The following PSD3 variants were observed in gnomAD, a reference collection of about 807,000 sequenced individuals.
The protein encoded by PSD3 is pleckstrin and Sec7 domain containing 3.
A neutral mutation model predicts 105.5 loss-of-function variants in PSD3; 49 were observed. The observed-to-expected ratio is 0.46, with a 90% CI of 0.37 to 0.59. PSD3 has a LOEUF of 0.59. Among genes scored for constraint, PSD3 ranks in the 20% least tolerant of loss-of-function variants. The probability of loss-of-function intolerance (pLI) is 0.00; values close to 1 mark genes in which losing one functional copy is unlikely to be tolerated. For synonymous variants in PSD3, 557 were observed against 457.8 expected, an observed-to-expected ratio of 1.22 and a Z score of -2.77; for missense variants, 1,561 against 1,263.8, an observed-to-expected ratio of 1.24 and a Z score of -3.57.
At chr8:18,994,339 C>A (rs142903136) in intron 1 of PSD3, among the ~76,000 whole-genome samples, 2 of 151,984 alleles carry the variant, frequency 1.3e-5, no homozygotes, top group African/African-American at 2.4e-5. Context: ...TTTGTTTTTA[C>A]GGTAGATTTT....
At chr8:18,710,334 A>G (rs929252831) in intron 9 of PSD3, among the ~76,000 whole-genome samples, 2 of 152,170 alleles carry the variant, frequency 1.3e-5, no homozygotes, top group Non-Finnish European at 2.9e-5. Flanking sequence ...TTCGAAAACT[A>G]TGAGATTATG....
At chr8:18,857,168 G>C (rs188451559) in intron 4 of PSD3, among the ~76,000 whole-genome samples, 102 of 152,306 alleles carry the variant, frequency 6.7e-4, no homozygotes, top group African/African-American at 2.4e-3. Flanking sequence ...CCCTCCAAAA[G>C]CGGAGTTACC....
chr8:18,945,087 C>T (rs77709778), intron 1 of PSD3, among the ~76,000 whole-genome samples: 4,446 of 150,288 alleles, frequency 0.03, 107 homozygotes, highest in African/African-American at 0.062. Context: ...CACACACATA[C>T]GTACACACAC....
At chr8:18,644,776 C>G (rs1473493179) in intron 10 of PSD3, among the ~76,000 whole-genome samples, 1 of 152,218 alleles carries the variant, frequency 6.6e-6, no homozygotes, top group African/African-American at 2.4e-5. Context: ...TAGCAACAGC[C>G]CTAATTCTCG....
At chr8:18,892,637 T>G (rs982696962) in intron 2 of PSD3, among the ~76,000 whole-genome samples, 15 of 151,198 alleles carry the variant, frequency 9.9e-5, no homozygotes, top group Non-Finnish European at 2.2e-4. Context: ...TTTTTTTTTT[T>G]TTTTTGAGAC....
intron 8 of PSD3, among the ~76,000 whole-genome samples, chr8:18,795,692 C>T (rs776103879): frequency 2.6e-5 from 4 of 152,282 alleles, no homozygotes; most frequent in African/African-American, 7.2e-5. Flanking sequence ...CCTGCCAGGA[C>T]GGTAGGAACC....
At chr8:18,957,967 T>C (rs1823681679) in intron 1 of PSD3, among the ~76,000 whole-genome samples, 1 of 152,144 alleles carries the variant, frequency 6.6e-6, no homozygotes. Flanking sequence ...CGAAGATAAT[T>C]AAGCTATTGC....
chr8:18,539,378 T>G (rs1381613689), intron 15 of PSD3, among the ~76,000 whole-genome samples: 1 of 152,166 alleles, frequency 6.6e-6, no homozygotes, highest in Non-Finnish European at 1.5e-5. Flanking sequence ...AAGGTCATAT[T>G]TCTTAACTAT....
intron 1 of PSD3, among the ~76,000 whole-genome samples, chr8:18,978,623 C>T (rs1004255949): frequency 1.3e-5 from 2 of 152,086 alleles, no homozygotes; most frequent in South Asian, 2.1e-4. Context: ...GGGTTTACAG[C>T]GCAGGAATGA....
intron 2 of PSD3, among the ~76,000 whole-genome samples, chr8:18,883,972 GT>G (rs1460122256): frequency 5.3e-5 from 8 of 152,074 alleles, no homozygotes; most frequent in Non-Finnish European, 8.8e-5. Context: ...TTAATATTAT[GT>G]TAGTACAAGA....
At chr8:18,920,979 A>G (rs111474645) in intron 2 of PSD3, among the ~76,000 whole-genome samples, 2 of 152,328 alleles carry the variant, frequency 1.3e-5, no homozygotes, top group Middle Eastern at 3.4e-3. Context: ...CTATACTTAT[A>G]ATATTTTCAA....
At position 19,055,166 on chromosome 8, in the gene PSD3, T is replaced by C. The variant is rs893530406; in HGVS notation, c.324+29040A>G. 2.0e-5 allele frequency among the ~76,000 whole-genome samples: 3 copies of C among 152,352 alleles called. No individual in the cohort carries two copies. In the East Asian group the frequency reaches 5.8e-4, roughly 29 times the overall value. On this transcript the variant is annotated intron_variant, in intron 1 of 1. Coordinates refer to the PSD3 transcript ENST00000521475. ...AGAGCCAGATGTTGCTATGTTGCCATAGAATAGTCTTGCCTAGCTTAATTT... is the reference window on the plus strand; with the variant it reads ...AGAGCCAGATGTTGCTATGTTGCCACAGAATAGTCTTGCCTAGCTTAATTT...
intron 10 of PSD3, among the ~76,000 whole-genome samples, chr8:18,646,377 G>A (rs940948901): frequency 1.3e-5 from 2 of 152,030 alleles, no homozygotes; most frequent in African/African-American, 4.8e-5. Flanking sequence ...GTTATTTAAT[G>A]TAGTAAGTCA....
chr8:18,598,987 C>T (rs1470325363), intron 12 of PSD3, among the ~76,000 whole-genome samples: 2 of 151,932 alleles, frequency 1.3e-5, no homozygotes, highest in African/African-American at 2.4e-5. Flanking sequence ...CAGCGACCTA[C>T]ATATTCAATA....
intron 1 of PSD3, among the ~76,000 whole-genome samples, chr8:18,963,284 C>G (rs981973808): frequency 6.6e-6 from 1 of 152,132 alleles, no homozygotes; most frequent in African/African-American, 2.4e-5. Context: ...GGTGGGGACA[C>G]AGAGCCAAAC....
chr8:18,856,974 A>C (rs1816061051), intron 4 of PSD3, among the ~76,000 whole-genome samples: 1 of 152,216 alleles, frequency 6.6e-6, no homozygotes, highest in African/African-American at 2.4e-5. Context: ...AAGCACTCCG[A>C]CTTAAGAACC....
intron 14 of PSD3, among the ~76,000 whole-genome samples, chr8:18,564,932 G>A (rs527989885): frequency 5.3e-5 from 8 of 152,104 alleles, no homozygotes; most frequent in Non-Finnish European, 7.4e-5. Context: ...AGTACCCATG[G>A]ATTCAAACTT....
rs146523080 is a variant in PSD3 at position 18,578,371 on chromosome 8, A to G, written c.2482-3086T>C. On this transcript the variant is annotated intron_variant, in intron 12 of 15. Coordinates refer to ENST00000327040, the MANE Select transcript of PSD3 (RefSeq NM_015310.4). ...ATTTAAGGTCTCCAGCTACGGCTGC[A>G]TCCAGTGCCAACCTACAATTCTTTT... Among the ~76,000 whole-genome samples the G allele has an allele frequency of 9.5e-4, 144 of 152,282 alleles. 1 individual carries two copies. The highest frequency in any genetic ancestry group is 3.4e-3 in the Middle Eastern group (1 of 294).
chr8:18,665,107 G>C (rs971109206), intron 9 of PSD3, among the ~76,000 whole-genome samples: 1 of 152,184 alleles, frequency 6.6e-6, no homozygotes, highest in Non-Finnish European at 1.5e-5. Flanking sequence ...ATCAAGAAGT[G>C]ATTTCTACTG....
Sources: allele counts gnomAD v4.1 joint callset (sites outside exome capture counted in the v4.1 genomes callset), GRCh38; gene constraint gnomAD v4.1.1; transcripts MANE v1.5; gene names NCBI Gene and HGNC (gene_info 2026-07-23, HGNC 2026-07-21).